Variants in ILDR1 observed in about 807,000 individuals in gnomAD.
ILDR1 encodes the protein immunoglobulin like domain containing receptor 1.
ILDR1 carries 56 observed loss-of-function variants against 62.4 expected under a neutral mutation model. The ratio of observed to expected loss-of-function variants is 0.90; its 90% CI spans 0.72 to 1.12. The LOEUF (loss-of-function observed/expected upper bound fraction) is 1.12, where lower values mean the gene tolerates loss of function less well. Ranked by LOEUF, ILDR1 falls within the 50% of genes most tolerant of loss-of-function variation. The pLI, the probability that ILDR1 is intolerant of heterozygous loss-of-function variation, is 0.00. For synonymous variants in ILDR1, 284 were observed against 277.8 expected, an observed-to-expected ratio of 1.02 and a Z score of -0.22; for missense variants, 736 against 710.6, an observed-to-expected ratio of 1.04 and a Z score of -0.41.
At chr3:121,998,749 C>T (rs1460038605) in intron 5 of ILDR1, among the ~76,000 whole-genome samples, 1 of 152,102 alleles carries the variant, frequency 6.6e-6, no homozygotes, top group Non-Finnish European at 1.5e-5. Flanking sequence ...GGCCTCCTCC[C>T]TAAGATCCCT....
chr3:122,023,131 T>G (rs1252466608), upstream of ILDR1, among the ~76,000 whole-genome samples: 2 of 151,124 alleles, frequency 1.3e-5, no homozygotes, highest in Non-Finnish European at 3.0e-5. Context: ...TATTCTATTA[T>G]TTATTCTAAT....
At chr3:122,051,632 T>G in the ILDR1 span, among the ~76,000 whole-genome samples, 2 of 152,158 alleles carry the variant, frequency 1.3e-5, no homozygotes, top group Non-Finnish European at 2.9e-5. Flanking sequence ...TCTGGAGACT[T>G]ATTTTGTTTC....
At chr3:122,053,660 A>T in the ILDR1 span, among the ~76,000 whole-genome samples, 1 of 152,188 alleles carries the variant, frequency 6.6e-6, no homozygotes, top group Admixed American at 6.5e-5. Flanking sequence ...GATTACAGGT[A>T]TGTGCCATTA....
intron 1 of ILDR1, among the ~76,000 whole-genome samples, chr3:122,020,952 G>A (rs1046718120): frequency 5.3e-5 from 8 of 152,166 alleles, no homozygotes; most frequent in Non-Finnish European, 1.2e-4. Flanking sequence ...TTACGCTTAA[G>A]TTATGGTAGA....
chr3:122,000,426 G>A (rs1427807711), intron 5 of ILDR1, among the ~76,000 whole-genome samples: 2 of 152,206 alleles, frequency 1.3e-5, no homozygotes, highest in Admixed American at 6.5e-5. Flanking sequence ...CTTCCTGGCT[G>A]CTGAAGACGG....
At chr3:122,038,080 A>C in the ILDR1 span, among the ~76,000 whole-genome samples, 1 of 152,136 alleles carries the variant, frequency 6.6e-6, no homozygotes, top group African/African-American at 2.4e-5. Context: ...TGGAACTGTG[A>C]ATCAATTAAA....
chr3:122,054,917 C>G, the ILDR1 span, among the ~76,000 whole-genome samples: 1 of 152,174 alleles, frequency 6.6e-6, no homozygotes, highest in Admixed American at 6.5e-5. Context: ...TTATGCAGTC[C>G]TTACAGAACA....
At chr3:122,023,901 G>A (rs944609977), upstream of ILDR1, among the ~76,000 whole-genome samples, 1 of 152,070 alleles carries the variant, frequency 6.6e-6, no homozygotes, top group Non-Finnish European at 1.5e-5. Context: ...CACTGTGTAT[G>A]TTTGGATGTC....
At chr3:122,060,560 A>G in the ILDR1 span, among the ~76,000 whole-genome samples, 4 of 151,992 alleles carry the variant, frequency 2.6e-5, no homozygotes, top group African/African-American at 9.7e-5. Context: ...AGGTGGGAGG[A>G]TGGCTTGAGG....
the ILDR1 span, among the ~76,000 whole-genome samples, chr3:122,029,473 CT>C: frequency 6.7e-6 from 1 of 149,874 alleles, no homozygotes; most frequent in South Asian, 2.1e-4. Flanking sequence ...AGCCACTGCA[CT>C]CCAGCCTGGG....
chr3:122,015,300 G>A (rs537033716), intron 1 of ILDR1, among the ~76,000 whole-genome samples: 30 of 152,150 alleles, frequency 2.0e-4, no homozygotes, highest in African/African-American at 7.2e-4. Context: ...TACAAACTTG[G>A]GCCTCTCCCA....
At chr3:122,011,623 C>G (rs888124298) in intron 1 of ILDR1, among the ~76,000 whole-genome samples, 4 of 142,560 alleles carry the variant, frequency 2.8e-5, no homozygotes, top group Non-Finnish European at 6.2e-5. Flanking sequence ...CTGTGCAGAC[C>G]TCAAACGTCC....
chr3:122,016,492 C>G (rs183580594), intron 1 of ILDR1, among the ~76,000 whole-genome samples: 3 of 152,114 alleles, frequency 2.0e-5, no homozygotes, highest in Admixed American at 2.0e-4. Flanking sequence ...ATTTTAAGTG[C>G]CCTAAAAGTT....
At position 121,993,543 on chromosome 3, in the gene ILDR1, C is replaced by A. The variant is rs1347499678; in HGVS notation, c.1206G>T (p.Arg402Ser). The A allele has an allele frequency of 3.7e-6, 6 of 1,614,108 alleles. No individual in the cohort carries two copies. Among genetic ancestry groups the A allele is most frequent in the Non-Finnish European group, 4.2e-6 (5 of 1,180,042 alleles). ...RRELDPSWSG[R>S]HRSSRLNGSP... ...ACCCATTCAGCCTAGAGCTACGGTG[C>A]CTTCCACTCCACGATGGGTCCAACT... The change falls in exon 7 of 8, where the codon AGG becomes AGT. Residue 402 changes from arginine (R) to serine (S), a missense_variant. Physicochemically the swap from Arg to Ser is moderately radical, Grantham distance 110 (BLOSUM62 -1). Coordinates refer to ENST00000344209, the MANE Select transcript of ILDR1 (RefSeq NM_001199799.2).
chr3:122,029,909 GTAA>G, the ILDR1 span, among the ~76,000 whole-genome samples: 1 of 152,190 alleles, frequency 6.6e-6, no homozygotes, highest in Admixed American at 6.5e-5. Context: ...GAAACTGGAT[GTAA>G]TAATCTCTTT....
At chr3:121,991,394 T>G (rs753776132) in intron 7 of ILDR1, among the ~76,000 whole-genome samples, 5 of 152,194 alleles carry the variant, frequency 3.3e-5, no homozygotes, top group Non-Finnish European at 5.9e-5. Flanking sequence ...CTTAACTTTT[T>G]TTGTTGTTGT....
the ILDR1 span, among the ~76,000 whole-genome samples, chr3:122,047,242 G>A: frequency 6.6e-6 from 1 of 151,950 alleles, no homozygotes; most frequent in African/African-American, 2.4e-5. Flanking sequence ...GGGGTCAGGG[G>A]TCAGGGACCC....
chr3:122,033,346 T>C, the ILDR1 span, among the ~76,000 whole-genome samples: 4 of 152,136 alleles, frequency 2.6e-5, no homozygotes, highest in African/African-American at 9.7e-5. Context: ...CTTTCCTTTT[T>C]CTTACTGGAG....
At chr3:122,017,926 G>A (rs1327840067) in intron 1 of ILDR1, among the ~76,000 whole-genome samples, 7 of 152,130 alleles carry the variant, frequency 4.6e-5, no homozygotes, top group East Asian at 3.9e-4. Flanking sequence ...AAATAGGAAC[G>A]CTTTTACACT....
Sources: gnomAD v4.1 joint callset for allele counts (sites outside exome capture counted in the v4.1 genomes callset) on GRCh38, gnomAD v4.1.1 for gene constraint, MANE v1.5 for transcripts, NCBI Gene and HGNC (gene_info 2026-07-23, HGNC 2026-07-21) for gene names.